The following ERCC8 variants were observed in gnomAD, a reference collection of about 807,000 sequenced individuals.
ERCC8 encodes the protein ERCC excision repair 8, CSA ubiquitin ligase complex subunit.
A neutral mutation model predicts 54.9 loss-of-function variants in ERCC8; 52 were observed. That is an observed-to-expected ratio of 0.95 (90% CI 0.76 to 1.19). ERCC8 has a LOEUF of 1.19. ERCC8 is among the 50% of genes most tolerant of loss of function. The pLI is 0.00. For missense variants in ERCC8, 514 were observed against 466.1 expected, an observed-to-expected ratio of 1.10 and a Z score of -0.95; for synonymous variants, 146 against 157.2, an observed-to-expected ratio of 0.93 and a Z score of 0.53.
rs1178868092 is a variant in ERCC8, at chr5:60,903,282, AT to A, written c.550+365del. 12 of 177,002 alleles carry A rather than the reference AT, an allele frequency of 6.8e-5. 1 individual carries two copies. The highest frequency in any genetic ancestry group is 1.1e-4 in the Non-Finnish European group (9 of 82,708). The allele number at this position is 177,002 out of a possible 1,614,324, so 11.0% of individuals were successfully genotyped here. A position where few individuals can be genotyped will look rare whatever the true frequency, so the allele number is the denominator to read the frequency against. ...TCTAAAATATTTTTACTGAGAAAAA[AT>A]GTACCTAAATATTAAGAACAATGTT... On this transcript the variant is annotated intron_variant, in intron 6 of 11. Coordinates refer to ENST00000676185, the MANE Select transcript of ERCC8 (RefSeq NM_000082.4).
intron 2 of ERCC8, among the ~76,000 whole-genome samples, chr5:60,924,998 A>G (rs1173494697): frequency 2.6e-5 from 4 of 152,128 alleles, no homozygotes; most frequent in South Asian, 2.1e-4. Flanking sequence ...TTTTATAGAT[A>G]CTTCTTTCCG....
intron 9 of ERCC8, among the ~76,000 whole-genome samples, chr5:60,897,177 TC>T (rs1748747213): frequency 6.6e-6 from 1 of 152,162 alleles, no homozygotes; most frequent in Non-Finnish European, 1.5e-5. Flanking sequence ...ATGAGCCACT[TC>T]CCCATTTCCT....
At chr5:60,933,372 C>A (rs1013391198) in intron 1 of ERCC8, among the ~76,000 whole-genome samples, 5 of 151,778 alleles carry the variant, frequency 3.3e-5, no homozygotes, top group African/African-American at 7.2e-5. Flanking sequence ...GCATCTGCCA[C>A]CACACCTGGC....
intron 9 of ERCC8, chr5:60,891,942 A>G (rs748332066): frequency 1.7e-5 from 9 of 521,574 alleles, no homozygotes; most frequent in Non-Finnish European, 2.7e-5. Flanking sequence ...AGTTACCAAC[A>G]CTGCCATCAG....
intron 9 of ERCC8, among the ~76,000 whole-genome samples, chr5:60,896,842 C>T (rs1385814586): frequency 6.6e-6 from 1 of 152,106 alleles, no homozygotes; most frequent in African/African-American, 2.4e-5. Context: ...TTTATATATA[C>T]ATTCAGTACC....
chr5:60,913,336 G>C lies in ERCC8; in HGVS notation c.399+4929C>G, dbSNP rs565541771. 1.2e-4 allele frequency among the ~76,000 whole-genome samples: 19 copies of C among 152,090 alleles called. No homozygotes were observed. In the East Asian group the frequency reaches 1.5e-3, roughly 12 times the overall value. On this transcript the variant is annotated intron_variant, in intron 4 of 11. Transcript: ENST00000676185. ...TTAGTCTTGGGAGGGTGTGTGTGTC[G>C]AGGAATTTATCCATTTCTTCTAGAT...
intron 4 of ERCC8, among the ~76,000 whole-genome samples, chr5:60,916,490 T>C (rs1243062061): frequency 1.3e-5 from 2 of 152,068 alleles, no homozygotes; most frequent in African/African-American, 4.8e-5. Flanking sequence ...TGTTTATGCT[T>C]TATCTAGCTT....
chr5:60,895,623 G>GT (rs1289205207), intron 9 of ERCC8, among the ~76,000 whole-genome samples: 1 of 152,142 alleles, frequency 6.6e-6, no homozygotes, highest in Non-Finnish European at 1.5e-5. Flanking sequence ...TCCTATACAT[G>GT]TTTAAAAATA....
At chr5:60,892,017 A>C (rs1272488424) in intron 9 of ERCC8, 1 of 526,084 alleles carries the variant, frequency 1.9e-6, no homozygotes, top group Non-Finnish European at 3.9e-6. Flanking sequence ...TTTTATCTGC[A>C]CATTTCTGTA....
At chr5:60,891,816 G>A in intron 9 of ERCC8, 1 of 333,740 alleles carries the variant, frequency 3.0e-6, no homozygotes, top group South Asian at 2.6e-5. Flanking sequence ...CACATAGTTG[G>A]GGAAGGGTTC....
rs143139297 is a variant in ERCC8, at chr5:60,933,216, C to CTTTTTTTT, written c.78-4265_78-4258dup. Among the ~76,000 whole-genome samples the CTTTTTTTT allele has an allele frequency of 4.3e-3, 384 of 89,366 alleles. 1 individual carries two copies. Among genetic ancestry groups the CTTTTTTTT allele is most frequent in the Non-Finnish European group, 4.6e-3 (223 of 48,780 alleles). 58.6% of individuals were successfully genotyped at this position (89,366 alleles called of 152,430 possible). A position where few individuals can be genotyped will look rare whatever the true frequency, so the allele number is the denominator to read the frequency against. ...ATGTATGCATTTTTTCCTTTTTTTT[C>CTTTTTTTT]TTTTTTTTTTTTTTTTTTTTGAGAC... On this transcript the variant is annotated intron_variant, in intron 1 of 11. Transcript: ENST00000676185.
intron 11 of ERCC8, among the ~76,000 whole-genome samples, chr5:60,884,349 G>A (rs554583094): frequency 2.0e-5 from 3 of 151,684 alleles, no homozygotes; most frequent in East Asian, 1.9e-4. Flanking sequence ...GGTGGTGGGC[G>A]CCTGTAGTCC....
intron 11 of ERCC8, among the ~76,000 whole-genome samples, chr5:60,878,027 T>C (rs939422956): frequency 1.3e-5 from 2 of 152,350 alleles, no homozygotes; most frequent in African/African-American, 4.8e-5. Context: ...ATAGCTCTTG[T>C]TATTTTGAGA....
rs921320665 is a variant in ERCC8 at position 60,902,592 on chromosome 5, A to G, written c.551-84T>C. 5 of 1,087,458 alleles carry G rather than the reference A, an allele frequency of 4.6e-6. No homozygotes were observed. In the African/African-American group the frequency reaches 7.7e-5, roughly 17 times the overall value. The allele number at this position is 1,087,458 out of a possible 1,614,324, so 67.4% of individuals were successfully genotyped here. A position where few individuals can be genotyped will look rare whatever the true frequency, so the allele number is the denominator to read the frequency against. On this transcript the variant is annotated intron_variant, in intron 6 of 11. Transcript: ENST00000676185. Reference sequence around the variant, plus strand: ...TGCCAATAATTTTGCCTGATTCTGAAGAAAGTGAGGCCAAATATTCAATGT... The same window carrying G: ...TGCCAATAATTTTGCCTGATTCTGAGGAAAGTGAGGCCAAATATTCAATGT...
chr5:60,915,257 T>C (rs1385009678), intron 4 of ERCC8: 2 of 152,076 alleles, frequency 1.3e-5, no homozygotes, highest in African/African-American at 4.8e-5. Flanking sequence ...GCTCATTTGT[T>C]GGTAAGCTTG....
At chr5:60,894,208 TCTC>T (rs1218796482) in intron 9 of ERCC8, among the ~76,000 whole-genome samples, 1 of 152,058 alleles carries the variant, frequency 6.6e-6, no homozygotes, top group East Asian at 1.9e-4. Flanking sequence ...ATGGTCTCGA[TCTC>T]CTGACCTCGT....
At chr5:60,933,362 G>A (rs1749970862) in intron 1 of ERCC8, among the ~76,000 whole-genome samples, 1 of 151,330 alleles carries the variant, frequency 6.6e-6, no homozygotes. Flanking sequence ...GGGATTATAG[G>A]CATCTGCCAC....
intron 11 of ERCC8, among the ~76,000 whole-genome samples, chr5:60,876,590 T>TA (rs1748016120): frequency 6.6e-6 from 1 of 152,218 alleles, no homozygotes; most frequent in South Asian, 2.1e-4. Context: ...TGTGAGATGG[T>TA]ATCTCATTGT....
At position 60,871,513 on chromosome 5, in the gene ERCC8, A is replaced by T. The variant is rs561417994; in HGVS notation, c.*3102T>A. On this transcript the variant is annotated 3_prime_UTR_variant, in exon 12 of 12. Transcript: ENST00000676185. ...CTGGGGAATGTGGTACTAATGTGGA[A>T]AGAGAGGGGTGTTTATAACAACAGC... Among the ~76,000 whole-genome samples the T allele has an allele frequency of 1.3e-5, 2 of 152,296 alleles. No individual in the cohort carries two copies. Among genetic ancestry groups the T allele is most frequent in the African/African-American group, 4.8e-5 (2 of 41,572 alleles).
Sources: gnomAD v4.1 joint callset for allele counts (sites outside exome capture counted in the v4.1 genomes callset) on GRCh38, gnomAD v4.1.1 for gene constraint, MANE v1.5 for transcripts, NCBI Gene and HGNC (gene_info 2026-07-23, HGNC 2026-07-21) for gene names.